Variants in FLRT1 observed in about 807,000 individuals in gnomAD.
FLRT1 encodes leucine-rich repeat transmembrane protein FLRT1.
Under a neutral mutation model 30.9 loss-of-function variants are expected in FLRT1, and 14 were observed. The ratio of observed to expected loss-of-function variants is 0.45; its 90% confidence interval spans 0.30 to 0.71. The LOEUF is 0.71. FLRT1 is among the 30% of genes least tolerant of loss of function. The probability of loss-of-function intolerance (pLI) is 0.08; values close to 1 mark genes in which losing one functional copy is unlikely to be tolerated. For synonymous variants in FLRT1, 368 were observed against 430.4 expected (o/e 0.85, Z 1.80); for missense variants, 737 against 949.2 (o/e 0.78, Z 2.94).
intron 1 of FLRT1, among the ~76,000 whole-genome samples, chr11:64,070,858 A>G (rs1944096232): frequency 6.6e-6 from 1 of 152,086 alleles, no homozygotes; most frequent in Admixed American, 6.5e-5. Flanking sequence ...GGAGAGGAGG[A>G]AGGAGGAATG....
At chr11:64,053,801 G>A (rs1011547647) in intron 1 of FLRT1, among the ~76,000 whole-genome samples, 4 of 152,146 alleles carry the variant, frequency 2.6e-5, no homozygotes, top group Admixed American at 1.3e-4. Context: ...GCGGCATCCC[G>A]AGCCCCTTGC....
chr11:64,082,127 G>A lies in FLRT1; in HGVS notation c.-1037-21067G>A, dbSNP rs1472796005. ...TGTGCCCATCTCCCCAGGCCCTCCT[G>A]TGGCTGCGCCTGGAGCCTCCCGGGA... is the stretch of plus-strand genomic sequence containing the variant. On this transcript the variant is annotated intron_variant, in intron 1 of 2. Transcript: ENST00000682287. This position sits in a 1 kb window ranked among gnomAD's most constrained non-coding sequence, Gnocchi z 4.5. 1 of 152,224 alleles carries A rather than the reference G, an allele frequency of 6.6e-6. No individual in the cohort carries two copies. Among genetic ancestry groups the A allele is most frequent in the Non-Finnish European group, 1.5e-5 (1 of 68,088 alleles). The allele number at this position is 152,224 out of a possible 1,614,324, so 9.4% of individuals were successfully genotyped here.
At chr11:64,108,304 ACT>A (rs1944799314) in intron 2 of FLRT1, among the ~76,000 whole-genome samples, 1 of 149,062 alleles carries the variant, frequency 6.7e-6, no homozygotes, top group Non-Finnish European at 1.5e-5. Flanking sequence ...CAAGAGCGAA[ACT>A]CTGTCTCAAA....
At chr11:64,066,956 C>A (rs527852046) in intron 1 of FLRT1, among the ~76,000 whole-genome samples, 1 of 152,184 alleles carries the variant, frequency 6.6e-6, no homozygotes, top group African/African-American at 2.4e-5. Context: ...CAGTGCGCTA[C>A]GGAGGGTCAC....
intron 1 of FLRT1, among the ~76,000 whole-genome samples, chr11:64,066,145 G>T (rs938955723): frequency 2.6e-5 from 4 of 151,198 alleles, no homozygotes; most frequent in African/African-American, 9.7e-5. Context: ...AAAAATACAA[G>T]AATTAGCTGG....
At chr11:64,050,853 A>T (rs1943680083) in intron 1 of FLRT1, among the ~76,000 whole-genome samples, 1 of 152,206 alleles carries the variant, frequency 6.6e-6, no homozygotes. Context: ...TCCTGACCTC[A>T]GGTGATCCGC....
chr11:64,117,447 A>G lies in FLRT1; in HGVS notation c.1180A>G (p.Thr394Ala). The G allele has an allele frequency of 6.2e-7, 1 of 1,613,004 alleles. No individual in the cohort carries two copies. Among genetic ancestry groups the G allele is most frequent in the Non-Finnish European group, 8.5e-7 (1 of 1,179,246 alleles). The change falls in exon 3 of 3, where the codon ACC becomes GCC. Residue 394 changes from threonine to alanine, a missense_variant. Physicochemically the swap from Thr to Ala is moderately conservative, Grantham distance 58 (BLOSUM62 0). Transcript: ENST00000682287. ...QGGVANAAAK[T>A]TASNHASATT... Reference sequence around the variant, plus strand: ...CGGCGTGGCCAATGCGGCTGCCAAGACCACGGCCAGCAACCACGCCTCTGC... The same window carrying G: ...CGGCGTGGCCAATGCGGCTGCCAAGGCCACGGCCAGCAACCACGCCTCTGC...
intron 1 of FLRT1, among the ~76,000 whole-genome samples, chr11:64,099,356 C>T (rs535057608): frequency 1.3e-5 from 2 of 152,378 alleles, no homozygotes; most frequent in South Asian, 4.1e-4. Context: ...GAGGGCATCT[C>T]TTTGGATCCC....
At chr11:64,050,301 C>T (rs905433872) in intron 1 of FLRT1, among the ~76,000 whole-genome samples, 1 of 152,112 alleles carries the variant, frequency 6.6e-6, no homozygotes, top group Admixed American at 6.5e-5. Context: ...ACAGCTACCA[C>T]GAGGCCCAGA....
chr11:64,084,356 G>T (rs760065996), intron 1 of FLRT1, among the ~76,000 whole-genome samples: 15 of 152,160 alleles, frequency 9.9e-5, no homozygotes, highest in Non-Finnish European at 1.9e-4. Context: ...CCCCTGCCAC[G>T]TGCTCTGCCC....
In FLRT1 at chr11:64,118,574, T is replaced by C. The variant is rs1945039997; in HGVS notation, c.*282T>C. On this transcript the variant is annotated 3_prime_UTR_variant, in exon 3 of 3. Coordinates refer to ENST00000682287, the MANE Select transcript of FLRT1 (RefSeq NM_013280.5). ...GGGAGGGAAGGACTAAAAATAATAT[T>C]GCAGGCAGGGCTGGGTTGGGTTTTT... The C allele has an allele frequency of 2.8e-6, 1 of 360,040 alleles. No individual in the cohort carries two copies. The highest frequency in any genetic ancestry group is 2.1e-5 in the African/African-American group (1 of 47,910). The allele number at this position is 360,040 out of a possible 1,614,324, so 22.3% of individuals were successfully genotyped here.
chr11:64,061,246 A>T (rs1943897393), intron 1 of FLRT1, among the ~76,000 whole-genome samples: 1 of 152,252 alleles, frequency 6.6e-6, no homozygotes, highest in Non-Finnish European at 1.5e-5. Flanking sequence ...TCTGGCGATC[A>T]CGCGGTGTAA....
In FLRT1 at chr11:64,036,859, G is replaced by T. The variant is rs1445810026; in HGVS notation, c.-1038+700G>T. 6.6e-6 allele frequency among the ~76,000 whole-genome samples: 1 copy of T among 152,190 alleles called. No individual in the cohort carries two copies. The highest frequency in any genetic ancestry group is 1.9e-4 in the East Asian group (1 of 5,180). On this transcript the variant is annotated intron_variant, in intron 1 of 2. Transcript: ENST00000682287. This position sits in a 1 kb window ranked among gnomAD's most constrained non-coding sequence, Gnocchi z 5.6. ...GACAAGGAGGCGGCCCGACCCGGCG[G>T]CGCACGCCCCTCCTCGCGGGCACTG...
intron 1 of FLRT1, among the ~76,000 whole-genome samples, chr11:64,078,332 C>T (rs1944241222): frequency 6.6e-6 from 1 of 152,242 alleles, no homozygotes; most frequent in African/African-American, 2.4e-5. Flanking sequence ...TGCAGGCCTG[C>T]CTCCCCTCCC....
Position 64,064,730 on chromosome 11 carries a change from C to T in FLRT1, c.-1038+28571C>T, listed in dbSNP as rs1027229039. 1.3e-5 allele frequency among the ~76,000 whole-genome samples: 2 copies of T among 150,682 alleles called. No homozygotes were observed. Among genetic ancestry groups the T allele is most frequent in the Admixed American group, 6.6e-5 (1 of 15,044 alleles). On this transcript the variant is annotated intron_variant, in intron 1 of 2. Coordinates refer to ENST00000682287, the MANE Select transcript of FLRT1 (RefSeq NM_013280.5). This position sits in a 1 kb window ranked among gnomAD's most constrained non-coding sequence, Gnocchi z 4.5. Reference sequence around the variant, plus strand: ...GTTCTCCTCTCCCCTCCCTGCCAGCCCCCCAGCAGGCAGCCAGGCCTGGAC... The same window carrying T: ...GTTCTCCTCTCCCCTCCCTGCCAGCTCCCCAGCAGGCAGCCAGGCCTGGAC...
At chr11:64,053,435 A>G (rs1476703291) in intron 1 of FLRT1, among the ~76,000 whole-genome samples, 1 of 152,130 alleles carries the variant, frequency 6.6e-6, no homozygotes, top group Middle Eastern at 3.2e-3. Context: ...CTCCAGGGGC[A>G]CTGAGGTGCA....
chr11:64,049,532 C>T (rs1415699290), intron 1 of FLRT1, among the ~76,000 whole-genome samples: 18 of 152,230 alleles, frequency 1.2e-4, no homozygotes, highest in Admixed American at 1.2e-3. Context: ...CAAGGTCAGC[C>T]TCCCCAAGCG....
intron 1 of FLRT1, among the ~76,000 whole-genome samples, chr11:64,043,394 G>A (rs546021637): frequency 6.6e-6 from 1 of 152,328 alleles, no homozygotes; most frequent in East Asian, 1.9e-4. Flanking sequence ...CCGAGGTCTG[G>A]GGCCCATGCA....
intron 1 of FLRT1, among the ~76,000 whole-genome samples, chr11:64,042,369 C>T (rs320135): frequency 0.04 from 6,080 of 152,228 alleles, 407 homozygotes; most frequent in African/African-American, 0.14. Flanking sequence ...TGCCCCCAGA[C>T]AGTGGCCATC....
Sources: gnomAD v4.1 joint callset for allele counts (sites outside exome capture counted in the v4.1 genomes callset) on GRCh38, gnomAD v4.1.1 for gene constraint, Gnocchi (gnomAD v3.1) non-coding constraint, MANE v1.5 for transcripts, NCBI Gene and HGNC (gene_info 2026-07-23, HGNC 2026-07-21) for gene names.